ARHGAP21: variants seen among roughly 807,000 people sequenced by gnomAD.
ARHGAP21 encodes the protein Rho GTPase activating protein 21.
Under a neutral mutation model 164.6 loss-of-function variants are expected in ARHGAP21, and 38 were observed. That is an observed-to-expected ratio of 0.23 (90% confidence interval 0.18 to 0.30). The LOEUF is 0.30. Ranked by LOEUF, ARHGAP21 falls within the 10% of genes least tolerant of loss-of-function variation. The probability of loss-of-function intolerance (pLI) is 1.00; values close to 1 mark genes in which losing one functional copy is unlikely to be tolerated. For missense variants in ARHGAP21, 1,822 were observed against 2,370.7 expected (o/e 0.77, Z 4.81); for synonymous variants, 766 against 857.9 (o/e 0.89, Z 1.87).
Position 24,597,926 on chromosome 10 carries a change from G to A in ARHGAP21, c.3197+19C>T, listed in dbSNP as rs1432460828. 5 of 1,608,122 alleles carry A rather than the reference G, an allele frequency of 3.1e-6. No individual in the cohort carries two copies. The highest frequency in any genetic ancestry group is 4.3e-6 in the Non-Finnish European group (5 of 1,176,352). ...TGATTTTATATCCAAATTAACTGCA[G>A]GCAAGGTGGGATTCTCACCTCATCA... On this transcript the variant is annotated intron_variant, in intron 15 of 25. Transcript: ENST00000396432.
intron 2 of ARHGAP21, among the ~76,000 whole-genome samples, chr10:24,714,695 G>A (rs970420064): frequency 6.6e-6 from 1 of 152,168 alleles, no homozygotes; most frequent in African/African-American, 2.4e-5. Flanking sequence ...ACTGTAACTA[G>A]TCTAGAATGA....
intron 4 of ARHGAP21, among the ~76,000 whole-genome samples, chr10:24,656,163 G>T (rs1468068468): frequency 4.2e-5 from 3 of 72,092 alleles, no homozygotes; most frequent in Non-Finnish European, 6.1e-5. Flanking sequence ...GGAGGGAGGT[G>T]GGGGGGGTCA....
At chr10:24,628,522 C>T (rs998042333) in intron 7 of ARHGAP21, among the ~76,000 whole-genome samples, 2 of 151,896 alleles carry the variant, frequency 1.3e-5, no homozygotes, top group Non-Finnish European at 2.9e-5. Flanking sequence ...TATACCATTT[C>T]CATTACCACG....
intron 4 of ARHGAP21, among the ~76,000 whole-genome samples, chr10:24,655,993 A>T (rs1427247348): frequency 7.7e-6 from 1 of 129,518 alleles, no homozygotes; most frequent in Non-Finnish European, 1.6e-5. Context: ...ACCCCGTCTG[A>T]GAAGTGAGGA....
chr10:24,720,672 C>T (rs1845837867), intron 2 of ARHGAP21, among the ~76,000 whole-genome samples: 1 of 152,160 alleles, frequency 6.6e-6, no homozygotes, highest in Non-Finnish European at 1.5e-5. Flanking sequence ...GCTTTATGAA[C>T]CAAAATTTAA....
chr10:24,584,384 T>G lies in ARHGAP21; in HGVS notation c.*28A>C. The G allele has an allele frequency of 6.5e-7, 1 of 1,537,384 alleles. No individual in the cohort carries two copies. Among genetic ancestry groups the G allele is most frequent in the Non-Finnish European group, 8.7e-7 (1 of 1,145,820 alleles). ...CTGGAACGTGTAACAGTAGTTTTTT[T>G]ACTTGCTAGAGTGGACATACCCCCA... On this transcript the variant is annotated 3_prime_UTR_variant, in exon 26 of 26. Coordinates refer to ENST00000396432, the MANE Select transcript of ARHGAP21 (RefSeq NM_020824.4).
intron 4 of ARHGAP21, among the ~76,000 whole-genome samples, chr10:24,661,957 C>T (rs1246603928): frequency 6.6e-6 from 1 of 152,126 alleles, no homozygotes; most frequent in Non-Finnish European, 1.5e-5. Context: ...GCCTGAGACC[C>T]CAACGATCAA....
intron 2 of ARHGAP21, among the ~76,000 whole-genome samples, chr10:24,720,787 G>C (rs561331807): frequency 6.6e-6 from 1 of 152,288 alleles, no homozygotes; most frequent in East Asian, 1.9e-4. Context: ...AAAAGAAAGT[G>C]AGACAGTGAA....
intron 2 of ARHGAP21, among the ~76,000 whole-genome samples, chr10:24,713,181 CA>C (rs1165623206): frequency 6.6e-6 from 1 of 151,930 alleles, no homozygotes; most frequent in Admixed American, 6.6e-5. Context: ...GTGCAATGAA[CA>C]AAAAAATAGA....
rs774293493 is a variant in ARHGAP21 at position 24,596,732 on chromosome 10, T to A, written c.3477+8A>T. ...CTTGAGGAAATCCGGTGGGCTGGTG[T>A]CTCCTACCCGATTAGTATGAGCTGG... On this transcript the variant is annotated splice_region_variant and intron_variant, in intron 17 of 25. Transcript: ENST00000396432. The A allele has an allele frequency of 3.7e-6, 6 of 1,613,428 alleles. No homozygotes were observed. The highest frequency in any genetic ancestry group is 5.1e-6 in the Non-Finnish European group (6 of 1,179,810).
At chr10:24,716,890 G>T (rs1050992428) in intron 2 of ARHGAP21, among the ~76,000 whole-genome samples, 11 of 152,188 alleles carry the variant, frequency 7.2e-5, no homozygotes, top group Admixed American at 7.2e-4. Flanking sequence ...ACTTGGGAAG[G>T]TGGGCCAGGG....
intron 24 of ARHGAP21, chr10:24,590,868 T>C: frequency 1.0e-6 from 1 of 983,066 alleles, no homozygotes; most frequent in South Asian, 4.7e-5. Flanking sequence ...CTTTCTGCCA[T>C]CACAGCAACC....
chr10:24,721,215 G>A (rs1471505341), intron 2 of ARHGAP21, among the ~76,000 whole-genome samples: 3 of 152,160 alleles, frequency 2.0e-5, no homozygotes, highest in Non-Finnish European at 2.9e-5. Flanking sequence ...GAAAGGGAGG[G>A]TATAAATAAG....
intron 7 of ARHGAP21, among the ~76,000 whole-genome samples, chr10:24,628,860 CACATATATACAT>C (rs1371341161): frequency 3.1e-5 from 4 of 127,432 alleles, no homozygotes; most frequent in African/African-American, 1.2e-4. Flanking sequence ...CATATATATA[CACATATATACAT>C]ACATATATAC....
chr10:24,673,841 G>A (rs796991573), intron 2 of ARHGAP21, among the ~76,000 whole-genome samples: 3 of 152,098 alleles, frequency 2.0e-5, no homozygotes, highest in African/African-American at 7.2e-5. Context: ...CAGCCTGGGT[G>A]CAGAGTGAGA....
At chr10:24,624,055 T>TA (rs966684309) in intron 7 of ARHGAP21, among the ~76,000 whole-genome samples, 10 of 152,192 alleles carry the variant, frequency 6.6e-5, no homozygotes, top group Admixed American at 1.3e-4. Flanking sequence ...CTAAATAGTC[T>TA]ACATTACAGT....
At chr10:24,602,161 C>T in intron 12 of ARHGAP21, 58 bp from the exon 13 acceptor site, 1 of 1,542,386 alleles carries the variant, frequency 6.5e-7, no homozygotes, top group South Asian at 1.3e-5. Context: ...TAAATATTTG[C>T]ACATGGAAAC....
intron 25 of ARHGAP21, among the ~76,000 whole-genome samples, chr10:24,587,348 T>G (rs889878953): frequency 6.6e-6 from 1 of 152,008 alleles, no homozygotes; most frequent in Non-Finnish European, 1.5e-5. Flanking sequence ...ACCACACACT[T>G]TTTAAGACAA....
chr10:24,675,559 G>A (rs1841135326), intron 2 of ARHGAP21, among the ~76,000 whole-genome samples: 1 of 152,176 alleles, frequency 6.6e-6, no homozygotes, highest in African/African-American at 2.4e-5. Flanking sequence ...CACATGTACA[G>A]TTGATTATAT....
Sources: gnomAD v4.1 joint callset for allele counts (sites outside exome capture counted in the v4.1 genomes callset) on GRCh38, gnomAD v4.1.1 for gene constraint, MANE v1.5 for transcripts, NCBI Gene and HGNC (gene_info 2026-07-23, HGNC 2026-07-21) for gene names.